Variants in CRYM observed in about 807,000 individuals in gnomAD.
CRYM encodes the protein ketimine reductase mu-crystallin.
CRYM carries 18 observed loss-of-function variants against 32.9 expected under a neutral mutation model. That is an observed-to-expected ratio of 0.55 (90% confidence interval 0.38 to 0.81). The LOEUF is 0.81. Ranked by LOEUF, CRYM falls within the 30% of genes least tolerant of loss-of-function variation. The pLI, the probability that CRYM is intolerant of heterozygous loss-of-function variation, is 0.00. For synonymous variants in CRYM, 153 were observed against 152.4 expected (o/e 1.00, Z -0.03); for missense variants, 337 against 393.5 (o/e 0.86, Z 1.21).
At chr16:21,289,362 C>T (rs1960555440) in intron 1 of CRYM, among the ~76,000 whole-genome samples, 1 of 152,216 alleles carries the variant, frequency 6.6e-6, no homozygotes. Flanking sequence ...ATCTTAAAGC[C>T]TATTTTGTCT....
rs781686299 is a variant in CRYM, at chr16:21,278,130, C to T, written c.122G>A (p.Gly41Glu). The T allele has an allele frequency of 7.6e-5, 118 of 1,549,848 alleles. No homozygotes were observed. Among genetic ancestry groups the T allele is most frequent in the Non-Finnish European group, 9.8e-5 (112 of 1,147,240 alleles). ...CACGGTGCGCACGGGCTGCATGACCCCTCCTTCGGGACCGCTGGAGAAGTT... is the reference window on the plus strand; with the variant it reads ...CACGGTGCGCACGGGCTGCATGACCTCTCCTTCGGGACCGCTGGAGAAGTT... ...LANFSSGPEG[G>E]VMQPVRTVVP... is the part of the protein sequence containing the mutation. Residue 41 changes from glycine (G) to glutamate (E), a missense_variant, in exon 1 of 8, where the codon GGG (glycine) becomes GAG (glutamate). Coordinates refer to ENST00000572914, the MANE Select transcript of CRYM (RefSeq NM_001376256.1).
In CRYM at chr16:21,295,932, T is replaced by TA. The variant is rs35539330; in HGVS notation, c.-193+7045dup. Reference sequence around the variant, plus strand: ...GGGCAAGACAGATCAAGACTCCGTCTAAAAAAAAAAAAAGAAAGTTATTTT... The same window carrying TA: ...GGGCAAGACAGATCAAGACTCCGTCTAAAAAAAAAAAAAAGAAAGTTATTTT... On this transcript the variant is annotated intron_variant, in intron 1 of 9. Transcript: ENST00000219599. Among the ~76,000 whole-genome samples the TA allele has an allele frequency of 2.9e-3, 409 of 141,590 alleles. 2 individuals carry two copies. Among genetic ancestry groups the TA allele is most frequent in the African/African-American group, 8.5e-3 (329 of 38,526 alleles). The allele number at this position is 141,590 out of a possible 152,430, so 92.9% of individuals were successfully genotyped here.
chr16:21,291,170 C>A (rs1176133046), intron 1 of CRYM, among the ~76,000 whole-genome samples: 2 of 152,212 alleles, frequency 1.3e-5, no homozygotes, highest in Middle Eastern at 3.4e-3. Context: ...TTATCTTTTT[C>A]ATTGCAGATT....
In CRYM at chr16:21,261,314, C is replaced by G. The variant is rs150970942; in HGVS notation, c.820G>C (p.Glu274Gln). ...SGAEIFAELG[E>Q]VIKGVKPAHC... ...GCTGGTTTCACTCCCTTAATCACTT[C>G]TCCCAGCTCAGCAAAGATCTCGGCC... Residue 274 changes from glutamate (E) to glutamine (Q), a missense_variant, in exon 7 of 8, where the codon GAA becomes CAA. Glu to Gln is a conservative substitution (Grantham distance 29). Coordinates refer to ENST00000572914, the MANE Select transcript of CRYM (RefSeq NM_001376256.1). 173 of 1,614,106 alleles carry G rather than the reference C, an allele frequency of 1.1e-4. No individual in the cohort carries two copies. The African/African-American group carries it at 2.1e-3, about 20-fold the overall frequency.
At position 21,273,059 on chromosome 16, in the gene CRYM, T is replaced by C. The variant is rs577711800; in HGVS notation, c.387+2473A>G. On this transcript the variant is annotated intron_variant, in intron 3 of 7. Coordinates refer to ENST00000572914, the MANE Select transcript of CRYM (RefSeq NM_001376256.1). Reference sequence around the variant, plus strand: ...ACTGTATCTGGTTTTGCTTACCCCATGCTGAGCGCAGAACCTTGCATTTGG... The same window carrying C: ...ACTGTATCTGGTTTTGCTTACCCCACGCTGAGCGCAGAACCTTGCATTTGG... Among the ~76,000 whole-genome samples the C allele has an allele frequency of 3.3e-5, 5 of 152,182 alleles. No homozygotes were observed. The East Asian group carries it at 9.7e-4, about 29-fold the overall frequency.
At chr16:21,272,651 AT>A (rs11353509) in intron 3 of CRYM, among the ~76,000 whole-genome samples, 63,170 of 133,222 alleles carry the variant, frequency 0.47, 15,324 homozygotes, top group African/African-American at 0.69. Flanking sequence ...ATTGGTGTGA[AT>A]TTTTTTTTTT....
intron 7 of CRYM, chr16:21,260,956 G>A (rs1331087482): frequency 4.2e-6 from 2 of 471,712 alleles, no homozygotes; most frequent in East Asian, 8.3e-5. Flanking sequence ...CATTTTATAT[G>A]CAAATCCCAC....
intron 1 of CRYM, among the ~76,000 whole-genome samples, chr16:21,292,266 G>A (rs1248754386): frequency 6.6e-6 from 1 of 152,108 alleles, no homozygotes; most frequent in African/African-American, 2.4e-5. Context: ...TTCACTTTGA[G>A]TAAGGAAATC....
At chr16:21,261,021 C>T in intron 7 of CRYM, 1 of 596,388 alleles carries the variant, frequency 1.7e-6, no homozygotes, top group Non-Finnish European at 3.0e-6. Context: ...GAGGTCAGAT[C>T]ACTTGCCTAA....
At chr16:21,301,239 G>C (rs933408868) in intron 1 of CRYM, 3 of 152,502 alleles carry the variant, frequency 2.0e-5, no homozygotes, top group South Asian at 2.1e-4. Flanking sequence ...CATGGCACAC[G>C]AGGGAGAGAG....
At chr16:21,290,278 T>G (rs765806884) in intron 1 of CRYM, among the ~76,000 whole-genome samples, 4 of 152,214 alleles carry the variant, frequency 2.6e-5, no homozygotes, top group Non-Finnish European at 5.9e-5. Flanking sequence ...GGTTGTAGGC[T>G]TCATTCCTTA....
intron 3 of CRYM, among the ~76,000 whole-genome samples, chr16:21,274,951 C>G (rs1035286562): frequency 6.6e-6 from 1 of 152,250 alleles, no homozygotes; most frequent in Admixed American, 6.5e-5. Flanking sequence ...CTGTGTGTGC[C>G]CCTCTGTTTT....
chr16:21,281,762 T>C (rs2152863825), upstream of CRYM, among the ~76,000 whole-genome samples: 1 of 152,322 alleles, frequency 6.6e-6, no homozygotes, highest in East Asian at 1.9e-4. Context: ...GGCTGAATTG[T>C]AATACATTTA....
At chr16:21,269,731 T>G in intron 4 of CRYM, 59 bp downstream of exon 4, 1 of 1,092,666 alleles carries the variant, frequency 9.2e-7, no homozygotes, top group Non-Finnish European at 1.4e-6. Flanking sequence ...TGAAGCAGTA[T>G]AGACAGGTCA....
chr16:21,273,021 C>T (rs968593911), intron 3 of CRYM, among the ~76,000 whole-genome samples: 2 of 151,952 alleles, frequency 1.3e-5, no homozygotes, highest in Middle Eastern at 3.2e-3. Context: ...CCCTGTACTA[C>T]ATGAGGGCAA....
chr16:21,264,952 G>A (rs1019042081), intron 5 of CRYM, among the ~76,000 whole-genome samples: 5 of 152,112 alleles, frequency 3.3e-5, no homozygotes, highest in African/African-American at 1.2e-4. Context: ...CCCGGATGTT[G>A]CCCAATTTCT....
chr16:21,262,234 A>G, intron 5 of CRYM, 76 bp from the exon 6 acceptor site: 1 of 1,587,504 alleles, frequency 6.3e-7, no homozygotes, highest in Non-Finnish European at 8.6e-7. Flanking sequence ...CACAGGAGAG[A>G]GGTGAACAAA....
At chr16:21,274,006 G>A (rs1226337953) in intron 3 of CRYM, among the ~76,000 whole-genome samples, 1 of 151,842 alleles carries the variant, frequency 6.6e-6, no homozygotes, top group Admixed American at 6.6e-5. Context: ...CTCCCCAGCA[G>A]GTATCTAGAA....
intron 1 of CRYM, among the ~76,000 whole-genome samples, chr16:21,296,987 G>A (rs768905810): frequency 4.0e-5 from 6 of 151,368 alleles, no homozygotes; most frequent in East Asian, 3.9e-4. Context: ...CAGCCTGGGC[G>A]ACAGAGCAAG....
Sources: gnomAD v4.1 joint callset for allele counts (sites outside exome capture counted in the v4.1 genomes callset) on GRCh38, gnomAD v4.1.1 for gene constraint, MANE v1.5 for transcripts, NCBI Gene and HGNC (gene_info 2026-07-23, HGNC 2026-07-21) for gene names.